The following SLC38A8 variants were observed in gnomAD, a reference collection of about 807,000 sequenced individuals.
The protein encoded by SLC38A8 is solute carrier family 38 member 8.
Under a neutral mutation model 46.0 loss-of-function variants are expected in SLC38A8, and 65 were observed. The ratio of observed to expected loss-of-function variants is 1.41; its 90% confidence interval spans 1.16 to 1.74. The LOEUF is 1.74. SLC38A8 is among the 40% of genes most tolerant of loss of function. The probability of loss-of-function intolerance (pLI) is 0.00; values close to 1 mark genes in which losing one functional copy is unlikely to be tolerated. For synonymous variants in SLC38A8, 447 were observed against 243.7 expected (o/e 1.83, Z -7.77); for missense variants, 998 against 567.9 (o/e 1.76, Z -7.70).
At chr16:84,036,601 G>A in intron 3 of SLC38A8, 101 bp downstream of exon 3, 1 of 1,366,092 alleles carries the variant, frequency 7.3e-7, no homozygotes, top group Non-Finnish European at 1.0e-6. Context: ...CTGTCCCTCA[G>A]GGCCCAGGCC....
chr16:84,015,965 C>T (rs952793027), intron 9 of SLC38A8, among the ~76,000 whole-genome samples: 8 of 152,184 alleles, frequency 5.3e-5, no homozygotes, highest in Non-Finnish European at 5.9e-5. Context: ...AGGCGTGAGC[C>T]ACTGTGCCCA....
At chr16:84,034,498 G>A (rs1318839758) in intron 3 of SLC38A8, among the ~76,000 whole-genome samples, 1 of 152,210 alleles carries the variant, frequency 6.6e-6, no homozygotes, top group African/African-American at 2.4e-5. Flanking sequence ...GAACCACCTG[G>A]GTGGGTGAGG....
intron 7 of SLC38A8, among the ~76,000 whole-genome samples, chr16:84,021,069 G>A (rs927034024): frequency 2.0e-5 from 3 of 151,700 alleles, no homozygotes; most frequent in Non-Finnish European, 4.4e-5. Flanking sequence ...TTTTTTGCCG[G>A]CAGGGGAGGG....
intron 2 of SLC38A8, 45 bp from the exon 3 acceptor site, chr16:84,036,945 C>T: frequency 6.5e-7 from 1 of 1,533,604 alleles, no homozygotes; most frequent in South Asian, 1.2e-5. Flanking sequence ...TGCCCACAGC[C>T]CACCCACCCC....
chr16:84,010,417 G>A (rs112046380), intron 10 of SLC38A8, among the ~76,000 whole-genome samples: 1 of 151,932 alleles, frequency 6.6e-6, no homozygotes, highest in African/African-American at 2.4e-5. Context: ...TATGTCATAA[G>A]CTCATTCCTC....
intron 9 of SLC38A8, among the ~76,000 whole-genome samples, chr16:84,014,414 G>C (rs1440210475): frequency 6.6e-6 from 1 of 151,380 alleles, no homozygotes; most frequent in African/African-American, 2.4e-5. Context: ...GAGCATGCAG[G>C]AGCAGCTGTG....
intron 2 of SLC38A8, among the ~76,000 whole-genome samples, chr16:84,037,625 G>A (rs764773742): frequency 1.3e-4 from 19 of 151,956 alleles, no homozygotes; most frequent in African/African-American, 4.8e-5. Context: ...GCCAAGCATG[G>A]TGGCAGATGC....
At position 84,041,978 on chromosome 16, in the gene SLC38A8, C is replaced by G. The variant is rs755580101; in HGVS notation, c.180G>C (p.Leu60=). 3.8e-6 allele frequency: 6 copies of G among 1,591,832 alleles called. No individual in the cohort carries two copies. The highest frequency in any genetic ancestry group is 5.1e-6 in the Non-Finnish European group (6 of 1,167,828). The change falls in exon 2 of 11, where the codon CTG becomes CTC. Residue 60 remains leucine, a synonymous_variant. Transcript: ENST00000299709. ...CTTCCCGGGGACTTACCAGCTCCAC[C>G]AGGAAGGCAGGGACCACTCCGCCCG... is the stretch of plus-strand genomic sequence containing the variant. The part of the protein sequence containing the change: ...SKAGGVVPAF[L]VELVSLVFLI...
intron 6 of SLC38A8, among the ~76,000 whole-genome samples, chr16:84,026,870 C>T (rs1441563498): frequency 1.3e-5 from 2 of 152,088 alleles, no homozygotes; most frequent in African/African-American, 2.4e-5. Flanking sequence ...GCAAGAGCTG[C>T]GGGCAGAGGT....
chr16:84,010,954 G>A (rs1015632005), intron 10 of SLC38A8, among the ~76,000 whole-genome samples: 1 of 152,180 alleles, frequency 6.6e-6, no homozygotes, highest in African/African-American at 2.4e-5. Context: ...ACATTTGTGA[G>A]CTTCGTCATG....
Position 84,013,022 on chromosome 16 carries a change from T to A in SLC38A8, c.1193A>T (p.Glu398Val), listed in dbSNP as rs767040255. The A allele has an allele frequency of 1.2e-6, 2 of 1,614,178 alleles. No individual in the cohort carries two copies. Among genetic ancestry groups the A allele is most frequent in the Admixed American group, 3.3e-5 (2 of 60,024 alleles). The change falls in exon 10 of 11, where the codon GAG (glutamate) becomes GTG (valine). Residue 398 changes from glutamate (E) to valine (V), a missense_variant. By Grantham distance (121) the Glu-to-Val change is moderately radical. Transcript: ENST00000299709. The stretch of plus-strand genomic sequence containing the variant: ...TTACTTGACTCTTGGTCCTATAGGC[T>A]CGACACCCATTGCACAGATGAGGCA... ...GLCLICAMGV[E>V]PIGPRVKCCL...
intron 9 of SLC38A8, among the ~76,000 whole-genome samples, chr16:84,016,007 G>A (rs150337941): frequency 6.6e-6 from 1 of 152,154 alleles, no homozygotes; most frequent in Non-Finnish European, 1.5e-5. Context: ...AAAGAAAAGA[G>A]GTTTAATGGA....
intron 7 of SLC38A8, 78 bp downstream of exon 7, chr16:84,022,697 C>A: frequency 8.8e-7 from 1 of 1,138,350 alleles, no homozygotes; most frequent in Non-Finnish European, 1.3e-6. Flanking sequence ...GGTAAACTCT[C>A]TAGAGAGATA....
At chr16:84,010,695 G>A (rs1006026394) in intron 10 of SLC38A8, among the ~76,000 whole-genome samples, 2 of 152,156 alleles carry the variant, frequency 1.3e-5, no homozygotes, top group Admixed American at 6.6e-5. Context: ...AGTGAGCCAA[G>A]ATTGCACCAC....
At chr16:84,027,500 C>G (rs1435508077) in intron 6 of SLC38A8, among the ~76,000 whole-genome samples, 7 of 152,222 alleles carry the variant, frequency 4.6e-5, no homozygotes, top group Non-Finnish European at 2.9e-5. Context: ...GCCCCATTGC[C>G]AAATGTGTTT....
In SLC38A8 at chr16:84,042,131, C is replaced by G. The variant is rs371024899; in HGVS notation, c.27G>C (p.Arg9Ser). The change falls in exon 2 of 11, where the codon AGG becomes AGC. Residue 9 changes from arginine to serine, a missense_variant. Transcript: ENST00000299709. MEGQTPGS[R>S]GLPEKPHPAT... ...CAGGGTGAGGCTTTTCTGGAAGGCCCCTGCTTCCTGGGGTCTGTCCCTCCA... is the reference window on the plus strand; with the variant it reads ...CAGGGTGAGGCTTTTCTGGAAGGCCGCTGCTTCCTGGGGTCTGTCCCTCCA... 3.7e-6 allele frequency: 6 copies of G among 1,613,278 alleles called. No individual in the cohort carries two copies. The South Asian group carries it at 4.4e-5, about 12-fold the overall frequency.
chr16:84,011,043 G>A (rs180775216), intron 10 of SLC38A8, among the ~76,000 whole-genome samples: 1 of 152,196 alleles, frequency 6.6e-6, no homozygotes, highest in Non-Finnish European at 1.5e-5. Context: ...AGAGATATTT[G>A]TGGCCCCATT....
intron 6 of SLC38A8, among the ~76,000 whole-genome samples, chr16:84,026,708 CA>C (rs2085168541): frequency 6.6e-6 from 1 of 152,158 alleles, no homozygotes; most frequent in Non-Finnish European, 1.5e-5. Flanking sequence ...CTTATCCACA[CA>C]ATGGAATATT....
Position 84,021,353 on chromosome 16 carries a change from C to T in SLC38A8, c.805+1422G>A, listed in dbSNP as rs141606430. On this transcript the variant is annotated intron_variant, in intron 7 of 10. Transcript: ENST00000299709. Reference sequence around the variant, plus strand: ...GTGCTGCGATGACAGGAGTGAGCCACGGCACCCGGCCAGTTCATCCCTTTC... The same window carrying T: ...GTGCTGCGATGACAGGAGTGAGCCATGGCACCCGGCCAGTTCATCCCTTTC... Among the ~76,000 whole-genome samples, 189 of 152,326 alleles carry T rather than the reference C, an allele frequency of 1.2e-3. No homozygotes were observed. The Middle Eastern group carries it at 0.024, about 19-fold the overall frequency.
Sources: gnomAD v4.1 joint callset for allele counts (sites outside exome capture counted in the v4.1 genomes callset) on GRCh38, gnomAD v4.1.1 for gene constraint, MANE v1.5 for transcripts, NCBI Gene and HGNC (gene_info 2026-07-23, HGNC 2026-07-21) for gene names.